The following UMAD1 variants were observed in gnomAD, a reference collection of about 807,000 sequenced individuals.
UMAD1 encodes the protein UBAP1-MVB12-associated (UMA)-domain containing protein 1.
A neutral mutation model predicts 6.1 loss-of-function variants in UMAD1; 8 were observed. That is an observed-to-expected ratio of 1.30 (90% CI 0.76 to 2.35). The LOEUF is 2.35. Ranked by LOEUF, UMAD1 falls within the 30% of genes most tolerant of loss-of-function variation. The probability of loss-of-function intolerance (pLI) is 0.00; values close to 1 mark genes in which losing one functional copy is unlikely to be tolerated. For synonymous variants in UMAD1, 56 were observed against 31.4 expected, an observed-to-expected ratio of 1.78 and a Z score of -2.61; for missense variants, 130 against 78.4, an observed-to-expected ratio of 1.66 and a Z score of -2.49.
intron 2 of UMAD1, among the ~76,000 whole-genome samples, chr7:7,791,408 A>G (rs1782564697): frequency 6.6e-6 from 1 of 152,150 alleles, no homozygotes; most frequent in African/African-American, 2.4e-5. Flanking sequence ...ATGTAAATTT[A>G]CTCTGACATG....
chr7:7,790,099 G>A (rs1782540988), intron 2 of UMAD1, among the ~76,000 whole-genome samples: 1 of 149,746 alleles, frequency 6.7e-6, no homozygotes, highest in Non-Finnish European at 1.5e-5. Context: ...CATTGTTTAA[G>A]GCTCTCTGTC....
intron 2 of UMAD1, among the ~76,000 whole-genome samples, chr7:7,776,109 G>A (rs1346814512): frequency 2.6e-5 from 4 of 152,130 alleles, no homozygotes; most frequent in Non-Finnish European, 5.9e-5. Flanking sequence ...TGAAAAGGGT[G>A]AGTTTTATAG....
intron 2 of UMAD1, among the ~76,000 whole-genome samples, chr7:7,775,019 G>T (rs113807914): frequency 6.6e-6 from 1 of 151,760 alleles, no homozygotes; most frequent in Non-Finnish European, 1.5e-5. Flanking sequence ...CTCCTCTACC[G>T]GTCCTTCCTC....
intron 3 of UMAD1, among the ~76,000 whole-genome samples, chr7:7,847,095 AAAAAAAAAAATATAT>A (rs1783804507): frequency 8.5e-5 from 4 of 47,156 alleles, no homozygotes; most frequent in Non-Finnish European, 1.4e-4. Context: ...TGCAAAAAAA[AAAAAAAAAAATATAT>A]ATATATATAT....
chr7:7,862,715 A>C (rs1388751133), intron 3 of UMAD1, among the ~76,000 whole-genome samples: 4 of 152,222 alleles, frequency 2.6e-5, no homozygotes, highest in Non-Finnish European at 5.9e-5. Flanking sequence ...CTGTTAGTTT[A>C]AACTCAGTTT....
At chr7:7,856,967 G>A (rs76160925) in intron 3 of UMAD1, among the ~76,000 whole-genome samples, 326 of 152,204 alleles carry the variant, frequency 2.1e-3, no homozygotes, top group Non-Finnish European at 3.7e-3. Context: ...TTTTCAACTT[G>A]TGATTTGCTT....
At chr7:7,708,739 A>G (rs984453125) in intron 2 of UMAD1, among the ~76,000 whole-genome samples, 4 of 152,136 alleles carry the variant, frequency 2.6e-5, no homozygotes, top group Non-Finnish European at 4.4e-5. Context: ...ACGAGCAACT[A>G]TGTTTATTGG....
At chr7:7,649,718 C>T (rs1389039853) in intron 1 of UMAD1, among the ~76,000 whole-genome samples, 3 of 134,302 alleles carry the variant, frequency 2.2e-5, no homozygotes, top group Non-Finnish European at 3.2e-5. Context: ...TTTTAACCTG[C>T]TGCCATGGTC....
intron 2 of UMAD1, among the ~76,000 whole-genome samples, chr7:7,754,535 A>T (rs549517034): frequency 6.6e-6 from 1 of 152,220 alleles, no homozygotes; most frequent in South Asian, 2.1e-4. Flanking sequence ...AGCTTTCCTT[A>T]TGTATGTTTT....
intron 2 of UMAD1, among the ~76,000 whole-genome samples, chr7:7,701,046 T>C (rs992700371): frequency 1.3e-5 from 2 of 152,196 alleles, no homozygotes; most frequent in Admixed American, 6.5e-5. Context: ...GGAGACCTTG[T>C]CTCTTAAGAA....
chr7:7,781,913 T>C (rs934756431), intron 2 of UMAD1, among the ~76,000 whole-genome samples: 2 of 152,128 alleles, frequency 1.3e-5, no homozygotes, highest in African/African-American at 4.8e-5. Flanking sequence ...TCTGTTCTTT[T>C]AATGCATTGA....
chr7:7,784,124 A>G (rs935807842), intron 2 of UMAD1, among the ~76,000 whole-genome samples: 1 of 150,944 alleles, frequency 6.6e-6, no homozygotes, highest in Non-Finnish European at 1.5e-5. Flanking sequence ...GACAGACTTT[A>G]GTTTAAATAT....
chr7:7,767,128 C>CTTTTTTTTTTTTTTTTTTTTTTTTTTTT lies in UMAD1; in HGVS notation c.83-34528_83-34527insTTTTTTTTTTTTTTTTTTTTTTTTTTTT, dbSNP rs71014711. On this transcript the variant is annotated intron_variant, in intron 2 of 3. Transcript: ENST00000682710. Reference sequence around the variant, plus strand: ...AGTGAGCATTTCAAGAAATTAAGCTCTTTTTTTTTTTTTTGAGACGGACTC... The same window carrying CTTTTTTTTTTTTTTTTTTTTTTTTTTTT: ...AGTGAGCATTTCAAGAAATTAAGCTCTTTTTTTTTTTTTTTTTTTTTTTTTTTTTTTTTTTTTTTTTTGAGACGGACTC... Among the ~76,000 whole-genome samples the CTTTTTTTTTTTTTTTTTTTTTTTTTTTT allele has an allele frequency of 1.3e-4, 17 of 129,808 alleles. 1 individual carries two copies. Among genetic ancestry groups the CTTTTTTTTTTTTTTTTTTTTTTTTTTTT allele is most frequent in the South Asian group, 2.7e-4 (1 of 3,772 alleles). 85.2% of individuals were successfully genotyped at this position (129,808 alleles called of 152,430 possible).
At chr7:7,805,815 A>T (rs1782901181) in intron 3 of UMAD1, among the ~76,000 whole-genome samples, 1 of 152,104 alleles carries the variant, frequency 6.6e-6, no homozygotes, top group Non-Finnish European at 1.5e-5. Flanking sequence ...ACTTTTCATG[A>T]CTACCTCAGC....
chr7:7,683,937 A>G (rs944598088), intron 2 of UMAD1, among the ~76,000 whole-genome samples: 2 of 152,158 alleles, frequency 1.3e-5, no homozygotes, highest in African/African-American at 4.8e-5. Context: ...TTCATTTTCT[A>G]TGAGTAATAT....
chr7:7,806,369 A>G (rs149964053), intron 3 of UMAD1, among the ~76,000 whole-genome samples: 23 of 152,192 alleles, frequency 1.5e-4, no homozygotes, highest in African/African-American at 5.3e-4. Flanking sequence ...AGCCAGAGAC[A>G]ACCCCAATGT....
intron 3 of UMAD1, among the ~76,000 whole-genome samples, chr7:7,870,386 A>C (rs1784311540): frequency 6.6e-6 from 1 of 152,218 alleles, no homozygotes; most frequent in Non-Finnish European, 1.5e-5. Context: ...AAAAATAACA[A>C]ATACGCTTTA....
intron 2 of UMAD1, among the ~76,000 whole-genome samples, chr7:7,682,100 T>C (rs762669165): frequency 2.6e-5 from 4 of 152,124 alleles, no homozygotes; most frequent in Non-Finnish European, 5.9e-5. Context: ...ATTAAAGGAA[T>C]TGGGTTACAG....
intron 2 of UMAD1, among the ~76,000 whole-genome samples, chr7:7,700,093 T>A (rs1780420919): frequency 6.6e-6 from 1 of 152,180 alleles, no homozygotes. Context: ...TAACAAAGTG[T>A]CATAGATTGG....
Sources: gnomAD v4.1 joint callset for allele counts (sites outside exome capture counted in the v4.1 genomes callset) on GRCh38, gnomAD v4.1.1 for gene constraint, MANE v1.5 for transcripts, NCBI Gene and HGNC (gene_info 2026-07-23, HGNC 2026-07-21) for gene names.